The following KCNN2 variants were observed in gnomAD, a reference collection of about 807,000 sequenced individuals.
The protein encoded by KCNN2 is small conductance calcium-activated potassium channel protein 2.
KCNN2 carries 24 observed loss-of-function variants against 55.5 expected under a neutral mutation model. The observed-to-expected ratio is 0.43, with a 90% CI of 0.31 to 0.61. The LOEUF (loss-of-function observed/expected upper bound fraction) is 0.61. Among genes scored for constraint, KCNN2 ranks in the 20% least tolerant of loss-of-function variants. The probability of loss-of-function intolerance (pLI) is 0.08; values close to 1 mark genes in which losing one functional copy is unlikely to be tolerated. For missense variants in KCNN2, 754 were observed against 853.6 expected (o/e 0.88, Z 1.45); for synonymous variants, 431 against 336.1 (o/e 1.28, Z -3.09).
chr5:114,300,230 G>C (rs191321646), intron 2 of KCNN2, among the ~76,000 whole-genome samples: 2 of 152,256 alleles, frequency 1.3e-5, no homozygotes, highest in Admixed American at 1.3e-4. Flanking sequence ...TCATAAAAGT[G>C]ACTTTCAAGA....
chr5:114,261,948 T>C (rs1407974254), intron 2 of KCNN2, among the ~76,000 whole-genome samples: 2 of 152,144 alleles, frequency 1.3e-5, no homozygotes, highest in South Asian at 2.1e-4. Flanking sequence ...AAAACCTTGC[T>C]TGGGAAAACT....
At chr5:114,440,554 A>G (rs1204344119) in intron 3 of KCNN2, among the ~76,000 whole-genome samples, 2 of 151,944 alleles carry the variant, frequency 1.3e-5, no homozygotes, top group African/African-American at 2.4e-5. Flanking sequence ...TAACAAAACA[A>G]CACCAAAAAT....
In KCNN2 at chr5:114,409,995, T is replaced by C. The variant is rs574135762; in HGVS notation, c.1637+5139T>C. On this transcript the variant is annotated intron_variant, in intron 3 of 7. Transcript: ENST00000673685. ...CCCAGACCAGACCACAGTAATCTAC[T>C]CTTTCTCTGGTTATGGTTTGGCTTT... 2.7e-3 allele frequency among the ~76,000 whole-genome samples: 410 copies of C among 152,292 alleles called. 3 individuals carry two copies. Among genetic ancestry groups the C allele is most frequent in the African/African-American group, 9.6e-3 (399 of 41,546 alleles).
chr5:114,169,903 A>C (rs1752997342), intron 1 of KCNN2, among the ~76,000 whole-genome samples: 2 of 152,102 alleles, frequency 1.3e-5, no homozygotes, highest in South Asian at 4.1e-4. Flanking sequence ...GAGCAGTGTG[A>C]AATAGGAATA....
At chr5:114,438,356 C>G (rs996518885) in intron 3 of KCNN2, among the ~76,000 whole-genome samples, 1 of 152,102 alleles carries the variant, frequency 6.6e-6, no homozygotes, top group Non-Finnish European at 1.5e-5. Flanking sequence ...GGAATTTTGG[C>G]TGGGTCATTG....
At chr5:114,333,790 C>T (rs56246354) in intron 2 of KCNN2, among the ~76,000 whole-genome samples, 1 of 152,118 alleles carries the variant, frequency 6.6e-6, no homozygotes, top group Non-Finnish European at 1.5e-5. Flanking sequence ...ATTCAAGGAA[C>T]TAAAATGTTT....
intron 3 of KCNN2, among the ~76,000 whole-genome samples, chr5:114,457,017 G>A (rs1420096391): frequency 6.6e-6 from 1 of 152,200 alleles, no homozygotes; most frequent in Non-Finnish European, 1.5e-5. Context: ...AAACTTAGTT[G>A]ATAAAGCTGT....
intron 2 of KCNN2, among the ~76,000 whole-genome samples, chr5:114,302,911 T>C (rs1193650480): frequency 6.6e-6 from 1 of 152,202 alleles, no homozygotes; most frequent in Admixed American, 6.5e-5. Context: ...CTCTATGGAA[T>C]TTCAAATGTG....
At chr5:114,315,275 T>C (rs1468771774) in intron 2 of KCNN2, among the ~76,000 whole-genome samples, 1 of 152,138 alleles carries the variant, frequency 6.6e-6, no homozygotes, top group Non-Finnish European at 1.5e-5. Context: ...TACAGGTACT[T>C]AATAGTTTGG....
rs548220277 is a variant in KCNN2 at position 114,159,968 on chromosome 5, T to G, written c.-270-61512T>G. On this transcript the variant is annotated intron_variant, in intron 1 of 10. Coordinates refer to the KCNN2 transcript ENST00000512097. ...TCAAAAAACCAGCTCCTGGATTCAT[T>G]GATTTTTTGAGGGGTTTTTTGTGTC... Among the ~76,000 whole-genome samples the G allele has an allele frequency of 3.3e-5, 5 of 152,296 alleles. No homozygotes were observed. In the East Asian group the frequency reaches 9.7e-4, roughly 29 times the overall value.
chr5:114,436,932 T>G (rs2150091452), intron 3 of KCNN2, among the ~76,000 whole-genome samples: 1 of 152,336 alleles, frequency 6.6e-6, no homozygotes, highest in African/African-American at 2.4e-5. Flanking sequence ...TTATTTAATT[T>G]TACTTAAATG....
chr5:114,079,057 C>A (rs1018009647), intron 1 of KCNN2, among the ~76,000 whole-genome samples: 2 of 152,082 alleles, frequency 1.3e-5, no homozygotes, highest in African/African-American at 2.4e-5. Context: ...TTGATTCTTT[C>A]CACTACCCTG....
chr5:114,486,919 A>G, intron 5 of KCNN2, 131 bp from the exon 6 acceptor site: 7 of 1,226,150 alleles, frequency 5.7e-6, no homozygotes, highest in South Asian at 1.3e-5. Flanking sequence ...GAAAAATGGT[A>G]TTTGGAGTCA....
chr5:114,376,275 T>C (rs906965693), intron 2 of KCNN2, among the ~76,000 whole-genome samples: 3 of 152,150 alleles, frequency 2.0e-5, no homozygotes, highest in African/African-American at 7.2e-5. Context: ...TGTTTAGGAC[T>C]TAGTCCCTCA....
intron 1 of KCNN2, among the ~76,000 whole-genome samples, chr5:114,084,022 T>C (rs1580496439): frequency 6.6e-6 from 1 of 152,120 alleles, no homozygotes; most frequent in South Asian, 2.1e-4. Context: ...CACTTATTTT[T>C]ATTGTTGTGT....
intron 1 of KCNN2, among the ~76,000 whole-genome samples, chr5:114,220,601 G>T (rs4451040): frequency 6.6e-6 from 1 of 152,040 alleles, no homozygotes; most frequent in Admixed American, 6.6e-5. Context: ...GACTTAATAC[G>T]AGGATTAGCA....
At chr5:114,105,464 G>A (rs1034320868) in intron 1 of KCNN2, among the ~76,000 whole-genome samples, 1 of 152,044 alleles carries the variant, frequency 6.6e-6, no homozygotes, top group Non-Finnish European at 1.5e-5. Flanking sequence ...CAAGTCATCT[G>A]TAAGTCAAAC....
At chr5:114,478,475 T>G (rs534131305) in intron 5 of KCNN2, among the ~76,000 whole-genome samples, 38 of 151,896 alleles carry the variant, frequency 2.5e-4, no homozygotes, top group African/African-American at 8.9e-4. Flanking sequence ...AAAACATACT[T>G]CCGGATATCA....
intron 1 of KCNN2, among the ~76,000 whole-genome samples, chr5:114,160,173 G>C (rs2112529424): frequency 6.6e-6 from 1 of 152,218 alleles, no homozygotes; most frequent in East Asian, 1.9e-4. Flanking sequence ...ATACTGCTTA[G>C]AATGTGTCCC....
Sources: gnomAD v4.1 joint callset for allele counts (sites outside exome capture counted in the v4.1 genomes callset) on GRCh38, gnomAD v4.1.1 for gene constraint, MANE v1.5 for transcripts, NCBI Gene and HGNC (gene_info 2026-07-23, HGNC 2026-07-21) for gene names.